Variants in TBC1D2 observed in about 807,000 individuals in gnomAD.
TBC1D2 encodes the protein TBC1 domain family member 2.
TBC1D2 carries 58 observed loss-of-function variants against 91.1 expected under a neutral mutation model. The ratio of observed to expected loss-of-function variants is 0.64; its 90% confidence interval spans 0.52 to 0.79. The LOEUF (loss-of-function observed/expected upper bound fraction) is 0.79, where lower values mean the gene tolerates loss of function less well. Ranked by LOEUF, TBC1D2 falls within the 30% of genes least tolerant of loss-of-function variation. TBC1D2 has a pLI of 0.00. For synonymous variants in TBC1D2, 482 were observed against 511.5 expected, an observed-to-expected ratio of 0.94 and a Z score of 0.78; for missense variants, 1,080 against 1,208.3, an observed-to-expected ratio of 0.89 and a Z score of 1.57.
chr9:98,229,989 T>A (rs1829328086), intron 4 of TBC1D2, among the ~76,000 whole-genome samples: 3 of 152,216 alleles, frequency 2.0e-5, no homozygotes, highest in Admixed American at 2.0e-4. Flanking sequence ...TTTTAAGTCA[T>A]CAAAATTTTA....
chr9:98,237,488 G>A (rs748024229), intron 3 of TBC1D2, among the ~76,000 whole-genome samples: 11 of 151,998 alleles, frequency 7.2e-5, no homozygotes, highest in Non-Finnish European at 1.5e-4. Flanking sequence ...ATATTGGGAA[G>A]AGTGCGTCTT....
At chr9:98,201,015 CA>C (rs561393645) in intron 11 of TBC1D2, among the ~76,000 whole-genome samples, 2,270 of 110,680 alleles carry the variant, frequency 0.021, 49 homozygotes, top group African/African-American at 0.06. Flanking sequence ...GGCTCCATCT[CA>C]AAAAAAAAAA....
chr9:98,201,726 C>A, intron 10 of TBC1D2, 62 bp from the exon 11 acceptor site: 1 of 1,507,764 alleles, frequency 6.6e-7, no homozygotes, highest in South Asian at 1.2e-5. Flanking sequence ...TCCCTCCCTG[C>A]CCAGCCTTCC....
At chr9:98,203,128 G>A (rs1428461710) in intron 10 of TBC1D2, among the ~76,000 whole-genome samples, 160 bp downstream of exon 10, 1 of 152,252 alleles carries the variant, frequency 6.6e-6, no homozygotes, top group Non-Finnish European at 1.5e-5. Context: ...CTGTTGTTAG[G>A]TTGGGCTTCT....
intron 7 of TBC1D2, among the ~76,000 whole-genome samples, chr9:98,212,251 C>T (rs369175402): frequency 6.6e-6 from 1 of 152,184 alleles, no homozygotes; most frequent in East Asian, 1.9e-4. Context: ...TTCAGCTCCC[C>T]AGTTTCCTTG....
chr9:98,209,084 C>T lies in TBC1D2; in HGVS notation c.1734G>A (p.Leu578=). 1.2e-6 allele frequency: 2 copies of T among 1,614,208 alleles called. No homozygotes were observed. Among genetic ancestry groups the T allele is most frequent in the Non-Finnish European group, 1.7e-6 (2 of 1,180,046 alleles). Residue 578 remains leucine (L), a synonymous_variant, in exon 9 of 13, where the codon CTG becomes CTA. Transcript: ENST00000465784. ...VPDYEVEDLK[L]LAKIQALESR... is the part of the protein sequence containing the mutation. ...ACTCCAATGCCTGGATCTTGGCCAG[C>T]AGCTTCAGGTCTTCCACCTCATAGT...
In TBC1D2 at chr9:98,220,852, C is replaced by T; in HGVS notation, c.1355G>A (p.Gly452Glu). Reference sequence around the variant, plus strand: ...CCCTACCTTCAGGTGCTCTATCTTCCCCTGCTGGCTCAGGAAGTCCCTGTT... The same window carrying T: ...CCCTACCTTCAGGTGCTCTATCTTCTCCTGCTGGCTCAGGAAGTCCCTGTT... ...AANRDFLSQQ[G>E]KIEHLKDDME... The change falls in exon 6 of 13, where the codon GGG (glycine) becomes GAG (glutamate). Residue 452 changes from glycine to glutamate, a missense_variant. Coordinates refer to ENST00000465784, the MANE Select transcript of TBC1D2 (RefSeq NM_001267571.2). 3.7e-6 allele frequency: 6 copies of T among 1,614,158 alleles called. No individual in the cohort carries two copies. Among genetic ancestry groups the T allele is most frequent in the Non-Finnish European group, 5.1e-6 (6 of 1,180,006 alleles).
In TBC1D2 at chr9:98,222,088, G is replaced by A. The variant is rs180793877; in HGVS notation, c.979-860C>T. 5.2e-3 allele frequency among the ~76,000 whole-genome samples: 786 copies of A among 152,262 alleles called. 1 individual carries two copies. Among genetic ancestry groups the A allele is most frequent in the Non-Finnish European group, 8.9e-3 (603 of 68,018 alleles). The stretch of plus-strand genomic sequence containing the variant: ...CTGACATATACACATCCATTTCAGG[G>A]ATGAACAAACTGAGGCCCAGCAGAG... On this transcript the variant is annotated intron_variant, in intron 5 of 12. Transcript: ENST00000465784.
intron 2 of TBC1D2, among the ~76,000 whole-genome samples, chr9:98,251,290 C>CAA (rs1226465638): frequency 1.5e-5 from 2 of 135,876 alleles, no homozygotes; most frequent in African/African-American, 5.4e-5. Flanking sequence ...GACTCCATCT[C>CAA]AAAAAAAAAA....
intron 5 of TBC1D2, among the ~76,000 whole-genome samples, chr9:98,222,877 A>C (rs1303465194): frequency 6.6e-6 from 1 of 152,238 alleles, no homozygotes; most frequent in African/African-American, 2.4e-5. Flanking sequence ...TGGAGAAGCT[A>C]ATGACAAGAC....
At chr9:98,212,635 G>A (rs377141786) in intron 7 of TBC1D2, among the ~76,000 whole-genome samples, 329 of 152,216 alleles carry the variant, frequency 2.2e-3, no homozygotes, top group African/African-American at 7.7e-3. Flanking sequence ...CCGGGTGGCC[G>A]GGACTGCAGG....
chr9:98,246,135 G>A (rs1030087410), intron 2 of TBC1D2, among the ~76,000 whole-genome samples: 1 of 152,194 alleles, frequency 6.6e-6, no homozygotes, highest in African/African-American at 2.4e-5. Flanking sequence ...TTAGAAAAAG[G>A]AGAAAAGAGC....
Position 98,243,919 on chromosome 9 carries a change from G to GAATC in TBC1D2, c.647+71_647+74dup, listed in dbSNP as rs1304096825. 3.9e-6 allele frequency: 6 copies of GAATC among 1,547,636 alleles called. No individual in the cohort carries two copies. The African/African-American group carries it at 8.2e-5, about 21-fold the overall frequency. ...TCCCGGGGCCCATCTCCCTGCAGGAGAATCACAGTGGGTCAAGCTCCACTG... is the reference window on the plus strand; with the variant it reads ...TCCCGGGGCCCATCTCCCTGCAGGAGAATCAATCACAGTGGGTCAAGCTCCACTG... On this transcript the variant is annotated intron_variant, in intron 3 of 12. Coordinates refer to ENST00000465784, the MANE Select transcript of TBC1D2 (RefSeq NM_001267571.2).
Position 98,208,659 on chromosome 9 carries a change from G to A in TBC1D2, c.2150+9C>T. Reference sequence around the variant, plus strand: ...AAGATCACACCTTCACTGGGCTTTGGTGGCTTACCTGTTCAGGCCCTGGCA... The same window carrying A: ...AAGATCACACCTTCACTGGGCTTTGATGGCTTACCTGTTCAGGCCCTGGCA... On this transcript the variant is annotated intron_variant, in intron 9 of 12. Transcript: ENST00000465784. The A allele has an allele frequency of 6.6e-7, 1 of 1,515,078 alleles. No individual in the cohort carries two copies. Among genetic ancestry groups the A allele is most frequent in the Non-Finnish European group, 8.8e-7 (1 of 1,130,780 alleles). 93.9% of individuals were successfully genotyped at this position (1,515,078 alleles called of 1,614,324 possible). A position where few individuals can be genotyped will look rare whatever the true frequency, so the allele number is the denominator to read the frequency against.
chr9:98,213,687 T>G (rs1017880477), intron 6 of TBC1D2: 1 of 156,326 alleles, frequency 6.4e-6, no homozygotes, highest in Admixed American at 6.3e-5. Context: ...TAACTCAGTG[T>G]CACTTTGTAA....
intron 10 of TBC1D2, among the ~76,000 whole-genome samples, chr9:98,202,581 AT>A (rs1828536615): frequency 6.6e-6 from 1 of 152,228 alleles, no homozygotes; most frequent in South Asian, 2.1e-4. Flanking sequence ...GGATTTATGG[AT>A]GAACTGATAC....
At chr9:98,218,023 T>A (rs1268768707) in intron 6 of TBC1D2, among the ~76,000 whole-genome samples, 1 of 152,086 alleles carries the variant, frequency 6.6e-6, no homozygotes, top group Admixed American at 6.6e-5. Flanking sequence ...GCTAATTTTT[T>A]AATTTTTTGT....
At position 98,228,923 on chromosome 9, in the gene TBC1D2, C is replaced by T. The variant is rs1186973473; in HGVS notation, c.978+29G>A. Reference sequence around the variant, plus strand: ...CAGGAACTGGAGGGGTCCACTGGAACCTGGGGCCTCCCTGGGACCAGACCT... The same window carrying T: ...CAGGAACTGGAGGGGTCCACTGGAATCTGGGGCCTCCCTGGGACCAGACCT... On this transcript the variant is annotated intron_variant, in intron 5 of 12. Coordinates refer to ENST00000465784, the MANE Select transcript of TBC1D2 (RefSeq NM_001267571.2). The surrounding 1 kb of genome is among the most constrained non-coding windows in gnomAD (Gnocchi z 4.0). 1.2e-6 allele frequency: 2 copies of T among 1,604,598 alleles called. No homozygotes were observed. Among genetic ancestry groups the T allele is most frequent in the Non-Finnish European group, 1.7e-6 (2 of 1,173,820 alleles).
At chr9:98,209,710 C>CT (rs565949265) in intron 8 of TBC1D2, among the ~76,000 whole-genome samples, 291 of 143,524 alleles carry the variant, frequency 2.0e-3, no homozygotes, top group African/African-American at 5.7e-3. Flanking sequence ...TTGCCTAAAT[C>CT]TTTTTTTTTT....
Sources: allele counts gnomAD v4.1 joint callset (sites outside exome capture counted in the v4.1 genomes callset), GRCh38; gene constraint gnomAD v4.1.1; non-coding constraint Gnocchi (gnomAD v3.1); transcripts MANE v1.5; gene names NCBI Gene and HGNC (gene_info 2026-07-23, HGNC 2026-07-21).